Variants in SCD5 observed in about 807,000 individuals in gnomAD.
SCD5 encodes the protein acyl-CoA-desaturase 4.
A neutral mutation model predicts 30.4 loss-of-function variants in SCD5; 20 were observed. That is an observed-to-expected ratio of 0.66 (90% CI 0.46 to 0.96). The LOEUF (loss-of-function observed/expected upper bound fraction) is 0.96. SCD5 is among the 40% of genes least tolerant of loss of function. SCD5 has a pLI of 0.00. For synonymous variants in SCD5, 173 were observed against 176.4 expected (o/e 0.98, Z 0.16); for missense variants, 381 against 443.3 (o/e 0.86, Z 1.26).
chr4:82,790,500 GC>G (rs913328329), intron 1 of SCD5, among the ~76,000 whole-genome samples: 12 of 152,144 alleles, frequency 7.9e-5, no homozygotes, highest in African/African-American at 2.9e-4. Context: ...AGCTCACCCA[GC>G]CTCTCCACGA....
chr4:82,789,940 T>TTTG (rs371742153), intron 1 of SCD5, among the ~76,000 whole-genome samples: 9 of 152,122 alleles, frequency 5.9e-5, no homozygotes, highest in East Asian at 5.8e-4. Flanking sequence ...TTAGGGGTTT[T>TTTG]TTGTTGTTGT....
intron 1 of SCD5, among the ~76,000 whole-genome samples, chr4:82,734,627 T>C (rs527768706): frequency 1.7e-4 from 26 of 152,296 alleles, no homozygotes; most frequent in African/African-American, 6.0e-4. Flanking sequence ...GAGAGATAAA[T>C]ACAAAACATC....
chr4:82,791,465 T>C (rs1300936835), intron 1 of SCD5, among the ~76,000 whole-genome samples: 2 of 150,458 alleles, frequency 1.3e-5, no homozygotes, highest in East Asian at 1.9e-4. Flanking sequence ...CTGATAACCA[T>C]GGGGCTTTCT....
intron 4 of SCD5, among the ~76,000 whole-genome samples, chr4:82,633,669 G>T (rs7672265): frequency 0.26 from 39,774 of 152,040 alleles, 6,198 homozygotes; most frequent in African/African-American, 0.43. Context: ...TCTGATAATA[G>T]TCATTCAAAT....
At chr4:82,714,428 T>C (rs11734609) in intron 1 of SCD5, among the ~76,000 whole-genome samples, 95,745 of 151,942 alleles carry the variant, frequency 0.63, 30,480 homozygotes, top group African/African-American at 0.7. Flanking sequence ...TAGGTAAACA[T>C]TGAACAAATC....
At chr4:82,692,354 C>T (rs1411901733) in intron 2 of SCD5, 2 of 157,286 alleles carry the variant, frequency 1.3e-5, no homozygotes, top group Admixed American at 6.5e-5. Flanking sequence ...TCTTGGTCTG[C>T]GCCTGCTGCA....
chr4:82,646,633 C>G (rs1727639327), intron 3 of SCD5, among the ~76,000 whole-genome samples: 1 of 152,142 alleles, frequency 6.6e-6, no homozygotes, highest in Non-Finnish European at 1.5e-5. Context: ...CATCTCCTCC[C>G]CTGTGCTACT....
intron 1 of SCD5, among the ~76,000 whole-genome samples, chr4:82,795,769 C>T (rs1722197217): frequency 8.3e-6 from 1 of 120,370 alleles, no homozygotes; most frequent in South Asian, 2.8e-4. Context: ...CTGCAGTGAG[C>T]TATGATCGTG....
intron 2 of SCD5, chr4:82,692,141 A>G: frequency 6.5e-6 from 1 of 154,264 alleles, no homozygotes. Flanking sequence ...GGTAGGTTAG[A>G]TCAGGACTCG....
At chr4:82,783,277 G>A (rs1384537767) in intron 1 of SCD5, among the ~76,000 whole-genome samples, 8 of 152,122 alleles carry the variant, frequency 5.3e-5, no homozygotes, top group African/African-American at 1.9e-4. Flanking sequence ...GAAAAAGGTT[G>A]CCCCCAAAGT....
At chr4:82,792,639 T>G (rs1191076376) in intron 1 of SCD5, among the ~76,000 whole-genome samples, 3 of 152,156 alleles carry the variant, frequency 2.0e-5, no homozygotes, top group Non-Finnish European at 2.9e-5. Context: ...GAGGATCACT[T>G]TGAACCCAGG....
At chr4:82,684,515 T>C (rs983695392) in intron 2 of SCD5, among the ~76,000 whole-genome samples, 5 of 152,156 alleles carry the variant, frequency 3.3e-5, no homozygotes, top group Non-Finnish European at 7.4e-5. Flanking sequence ...TCTGGAGTGA[T>C]TGGGAGTGGG....
chr4:82,764,567 T>C (rs1355374770), intron 1 of SCD5, among the ~76,000 whole-genome samples: 2 of 152,164 alleles, frequency 1.3e-5, no homozygotes, highest in African/African-American at 4.8e-5. Flanking sequence ...CAAGTAATAT[T>C]ATAGTACTTC....
chr4:82,631,543 T>C, intron 4 of SCD5, 26 bp from the exon 5 acceptor site: 1 of 1,609,398 alleles, frequency 6.2e-7, no homozygotes, highest in Non-Finnish European at 8.5e-7. Flanking sequence ...GGCATTGATA[T>C]AATTCAATCA....
In SCD5 at chr4:82,693,678, C is replaced by T. The variant is rs1051444590; in HGVS notation, c.363+11605G>A. On this transcript the variant is annotated intron_variant, in intron 2 of 4. Coordinates refer to ENST00000319540, the MANE Select transcript of SCD5 (RefSeq NM_001037582.3). ...CTGGGGTGAGAGGCAAGCCCATGTC[C>T]GAGCCTGGCTGGGCATTGTCCAGAG... 9.2e-5 allele frequency among the ~76,000 whole-genome samples: 14 copies of T among 152,308 alleles called. No individual in the cohort carries two copies. In the East Asian group the frequency reaches 2.3e-3, roughly 25 times the overall value.
rs372626171 is a variant in SCD5 at position 82,667,042 on chromosome 4, T to C, written c.569+13665A>G. Among the ~76,000 whole-genome samples the C allele has an allele frequency of 1.0e-3, 152 of 152,308 alleles. 5 individuals carry two copies. The South Asian group carries it at 0.031, about 31-fold the overall frequency. ...GAAGTGAATCAAAGATGCATGAGGATGCCTTTATTGCCATCAACAATTAAG... is the reference window on the plus strand; with the variant it reads ...GAAGTGAATCAAAGATGCATGAGGACGCCTTTATTGCCATCAACAATTAAG... On this transcript the variant is annotated intron_variant, in intron 3 of 4. Coordinates refer to ENST00000319540, the MANE Select transcript of SCD5 (RefSeq NM_001037582.3).
rs76801987 is a variant in SCD5 at position 82,732,650 on chromosome 4, G to T, written c.233-27237C>A. Among the ~76,000 whole-genome samples, 995 of 152,330 alleles carry T rather than the reference G, an allele frequency of 6.5e-3. 7 individuals carry two copies. The highest frequency in any genetic ancestry group is 0.023 in the African/African-American group (952 of 41,554). On this transcript the variant is annotated intron_variant, in intron 1 of 4. Coordinates refer to ENST00000319540, the MANE Select transcript of SCD5 (RefSeq NM_001037582.3). ...TCCCACCCTGAGGTAGAATAAGCGG[G>T]TTGGGTAATAAATGAATACAAATTA...
At chr4:82,647,580 A>C (rs943157504) in intron 3 of SCD5, among the ~76,000 whole-genome samples, 2 of 152,142 alleles carry the variant, frequency 1.3e-5, no homozygotes, top group Non-Finnish European at 2.9e-5. Context: ...ATGTGCTCTA[A>C]AGGTTACGTG....
intron 2 of SCD5, among the ~76,000 whole-genome samples, chr4:82,688,487 G>A (rs774854477): frequency 2.6e-5 from 4 of 152,104 alleles, no homozygotes; most frequent in Non-Finnish European, 4.4e-5. Context: ...CAGTTCAGAC[G>A]CCAATTCAAA....
Sources: allele counts gnomAD v4.1 joint callset (sites outside exome capture counted in the v4.1 genomes callset), GRCh38; gene constraint gnomAD v4.1.1; transcripts MANE v1.5; gene names NCBI Gene and HGNC (gene_info 2026-07-23, HGNC 2026-07-21).